GSK3B: variants seen among roughly 807,000 people sequenced by gnomAD.
The protein encoded by GSK3B is glycogen synthase kinase-3 beta.
Under a neutral mutation model 56.4 loss-of-function variants are expected in GSK3B, and 15 were observed. The observed-to-expected ratio is 0.27, with a 90% CI of 0.18 to 0.41. The LOEUF (loss-of-function observed/expected upper bound fraction) is 0.41, where lower values mean the gene tolerates loss of function less well. Ranked by LOEUF, GSK3B falls within the 10% of genes least tolerant of loss-of-function variation. GSK3B has a pLI of 1.00. For synonymous variants in GSK3B, 181 were observed against 188.9 expected (o/e 0.96, Z 0.34); for missense variants, 300 against 513.4 (o/e 0.58, Z 4.02).
chr3:120,084,009 A>C (rs900145713), intron 1 of GSK3B, among the ~76,000 whole-genome samples: 4 of 152,230 alleles, frequency 2.6e-5, no homozygotes, highest in Non-Finnish European at 5.9e-5. Flanking sequence ...AATGGGTATA[A>C]GCTTTATCTC....
intron 7 of GSK3B, among the ~76,000 whole-genome samples, chr3:119,876,924 T>C (rs983248482): frequency 2.3e-4 from 35 of 152,202 alleles, no homozygotes; most frequent in African/African-American, 6.8e-4. Context: ...CCCTTTGACA[T>C]TGGACTTTCC....
chr3:119,895,430 AG>A (rs1328035297), intron 7 of GSK3B, among the ~76,000 whole-genome samples: 1 of 99,492 alleles, frequency 1.0e-5, no homozygotes, highest in East Asian at 3.0e-4. Context: ...TCTTCAGGAT[AG>A]ATTACCTAGA....
chr3:120,042,856 C>T (rs1416094327), intron 1 of GSK3B, among the ~76,000 whole-genome samples: 1 of 152,160 alleles, frequency 6.6e-6, no homozygotes, highest in Non-Finnish European at 1.5e-5. Context: ...GACTCAGTTG[C>T]CATGGACCAA....
chr3:119,944,578 C>T (rs1466954873), intron 3 of GSK3B, among the ~76,000 whole-genome samples: 1 of 152,078 alleles, frequency 6.6e-6, no homozygotes, highest in Non-Finnish European at 1.5e-5. Context: ...TTTCACTGTC[C>T]TGGCCTCAAA....
At chr3:120,055,050 T>A (rs547469554) in intron 1 of GSK3B, among the ~76,000 whole-genome samples, 1 of 152,192 alleles carries the variant, frequency 6.6e-6, no homozygotes, top group African/African-American at 2.4e-5. Flanking sequence ...ATCAATTCCC[T>A]TTCCTTCATT....
At chr3:120,083,544 A>G (rs951822092) in intron 1 of GSK3B, among the ~76,000 whole-genome samples, 2 of 152,242 alleles carry the variant, frequency 1.3e-5, no homozygotes, top group African/African-American at 4.8e-5. Context: ...ATAAAGTCTA[A>G]AAAGATTAAA....
chr3:119,867,356 G>A (rs1349600052), intron 8 of GSK3B, among the ~76,000 whole-genome samples: 4 of 152,058 alleles, frequency 2.6e-5, no homozygotes, highest in African/African-American at 4.8e-5. Context: ...TCAGGAGTGC[G>A]GGTATTAACT....
At chr3:119,986,663 C>T (rs962082202) in intron 2 of GSK3B, among the ~76,000 whole-genome samples, 10 of 152,004 alleles carry the variant, frequency 6.6e-5, no homozygotes, top group South Asian at 2.1e-4. Flanking sequence ...GAATGGCGGT[C>T]GTTAAAAAGT....
chr3:119,965,791 T>C (rs1454241515), intron 2 of GSK3B, among the ~76,000 whole-genome samples: 1 of 151,734 alleles, frequency 6.6e-6, no homozygotes, highest in Non-Finnish European at 1.5e-5. Context: ...ACACAGAGTG[T>C]CTGCCAAAAA....
intron 2 of GSK3B, among the ~76,000 whole-genome samples, chr3:119,958,032 C>T (rs2057231275): frequency 6.6e-6 from 1 of 152,128 alleles, no homozygotes; most frequent in Non-Finnish European, 1.5e-5. Context: ...ACCTATACCC[C>T]CCCAAGTGTC....
intron 1 of GSK3B, among the ~76,000 whole-genome samples, chr3:120,055,385 C>G (rs2058183793): frequency 6.6e-6 from 1 of 152,144 alleles, no homozygotes; most frequent in Non-Finnish European, 1.5e-5. Context: ...TATACTCCAT[C>G]ACAGTACAGC....
rs747082607 is a variant in GSK3B at position 119,823,684 on chromosome 3, G to A, written c.*3104C>T. The stretch of plus-strand genomic sequence containing the variant: ...AATGGACTAAGTATGAAATGAAACC[G>A]GTCTCACTGCTACCGAGGAGGAAAG... On this transcript the variant is annotated 3_prime_UTR_variant, in exon 11 of 11. Transcript: ENST00000264235. The A allele has an allele frequency of 5.5e-6, 1 of 183,354 alleles. No individual in the cohort carries two copies. The highest frequency in any genetic ancestry group is 8.9e-5 in the East Asian group (1 of 11,282). 11.4% of individuals were successfully genotyped at this position (183,354 alleles called of 1,614,324 possible). A position where few individuals can be genotyped will look rare whatever the true frequency, so the allele number is the denominator to read the frequency against.
At chr3:120,013,625 G>A (rs1022852163) in intron 1 of GSK3B, among the ~76,000 whole-genome samples, 3 of 152,080 alleles carry the variant, frequency 2.0e-5, no homozygotes, top group African/African-American at 7.2e-5. Context: ...TCAGCACACC[G>A]CCCATGAATA....
At chr3:119,956,693 G>A (rs917849054) in intron 2 of GSK3B, among the ~76,000 whole-genome samples, 5 of 152,136 alleles carry the variant, frequency 3.3e-5, no homozygotes, top group African/African-American at 1.2e-4. Context: ...GTAGAACCTA[G>A]ACAGTGGAGT....
At chr3:119,974,740 T>C (rs1028097559) in intron 2 of GSK3B, among the ~76,000 whole-genome samples, 2 of 152,176 alleles carry the variant, frequency 1.3e-5, no homozygotes, top group African/African-American at 4.8e-5. Context: ...CAACATCATA[T>C]GTCATCAGGG....
chr3:119,871,106 T>C (rs1029054561), intron 8 of GSK3B, among the ~76,000 whole-genome samples: 17 of 152,206 alleles, frequency 1.1e-4, no homozygotes, highest in African/African-American at 3.9e-4. Flanking sequence ...TGTAGCATTA[T>C]GGACAAAGTC....
At chr3:120,009,430 AC>A (rs1423387550) in intron 1 of GSK3B, among the ~76,000 whole-genome samples, 2 of 152,216 alleles carry the variant, frequency 1.3e-5, no homozygotes. Context: ...GTTGGAACCA[AC>A]CCAAATGTCC....
At chr3:119,946,466 C>A (rs2057100937) in intron 3 of GSK3B, among the ~76,000 whole-genome samples, 1 of 152,114 alleles carries the variant, frequency 6.6e-6, no homozygotes, top group Non-Finnish European at 1.5e-5. Context: ...TGCATGAAAT[C>A]TGAAGTCCAA....
intron 2 of GSK3B, among the ~76,000 whole-genome samples, chr3:119,984,741 A>T (rs917615145): frequency 1.3e-5 from 2 of 151,300 alleles, no homozygotes; most frequent in African/African-American, 2.4e-5. Context: ...CCAACCAAAA[A>T]AAGTCCAGGA....
Sources: gnomAD v4.1 joint callset for allele counts (sites outside exome capture counted in the v4.1 genomes callset) on GRCh38, gnomAD v4.1.1 for gene constraint, MANE v1.5 for transcripts, NCBI Gene and HGNC (gene_info 2026-07-23, HGNC 2026-07-21) for gene names.